OLFM3: variants seen among roughly 807,000 people sequenced by gnomAD.
OLFM3 encodes noelin-3.
OLFM3 carries 20 observed loss-of-function variants against 48.6 expected under a neutral mutation model. That is an observed-to-expected ratio of 0.41 (90% confidence interval 0.29 to 0.60). The LOEUF is 0.60. Among genes scored for constraint, OLFM3 ranks in the 20% least tolerant of loss-of-function variants. OLFM3 has a pLI of 0.28. For synonymous variants in OLFM3, 222 were observed against 198.1 expected (o/e 1.12, Z -1.01); for missense variants, 437 against 544.3 (o/e 0.80, Z 1.96).
At position 101,891,816 on chromosome 1, in the gene OLFM3, T is replaced by C. The variant is rs17125664; in HGVS notation, c.70-54791A>G. ...ATTTCAGGTTTAACATGGACATTATTTACCATGAAAATCATAAAATGTAGT... is the reference window on the plus strand; with the variant it reads ...ATTTCAGGTTTAACATGGACATTATCTACCATGAAAATCATAAAATGTAGT... On this transcript the variant is annotated intron_variant, in intron 1 of 5. Coordinates refer to ENST00000370103, the MANE Select transcript of OLFM3 (RefSeq NM_058170.4). Among the ~76,000 whole-genome samples the C allele has an allele frequency of 3.2e-3, 488 of 152,096 alleles. 4 individuals carry two copies. Among genetic ancestry groups the C allele is most frequent in the African/African-American group, 0.011 (465 of 41,540 alleles).
chr1:101,929,878 A>G (rs1659394500), intron 1 of OLFM3, among the ~76,000 whole-genome samples: 1 of 152,104 alleles, frequency 6.6e-6, no homozygotes, highest in African/African-American at 2.4e-5. Context: ...ACATGTAGAA[A>G]AGACTTGTAG....
chr1:101,828,528 G>C (rs1397643945), intron 3 of OLFM3, among the ~76,000 whole-genome samples: 1 of 152,092 alleles, frequency 6.6e-6, no homozygotes, highest in Non-Finnish European at 1.5e-5. Flanking sequence ...TAGTAGCCTG[G>C]CTGATTTGCT....
chr1:101,853,847 A>AT (rs1444595709), intron 1 of OLFM3, among the ~76,000 whole-genome samples: 3 of 151,932 alleles, frequency 2.0e-5, no homozygotes, highest in Non-Finnish European at 4.4e-5. Flanking sequence ...AGTTACATGT[A>AT]TTTTTTCCTT....
intron 4 of OLFM3, among the ~76,000 whole-genome samples, chr1:101,813,706 T>G (rs751066786): frequency 3.3e-5 from 5 of 152,198 alleles, no homozygotes; most frequent in Admixed American, 6.5e-5. Flanking sequence ...ATCCATTAGC[T>G]ATCTTCTCTC....
At chr1:101,813,544 G>A (rs1020940284) in intron 4 of OLFM3, among the ~76,000 whole-genome samples, 9 of 152,154 alleles carry the variant, frequency 5.9e-5, no homozygotes, top group African/African-American at 1.9e-4. Context: ...TGTTCTGTCT[G>A]TACGATGGAA....
At chr1:101,905,014 C>T (rs551270910) in intron 1 of OLFM3, among the ~76,000 whole-genome samples, 83 of 152,188 alleles carry the variant, frequency 5.5e-4, no homozygotes, top group South Asian at 2.1e-4. Flanking sequence ...TAAGATAAAA[C>T]GAACCTTTCC....
chr1:101,988,801 T>C (rs1449885896), intron 1 of OLFM3, among the ~76,000 whole-genome samples: 1 of 152,022 alleles, frequency 6.6e-6, no homozygotes, highest in Non-Finnish European at 1.5e-5. Flanking sequence ...AATGAATACA[T>C]TACAATTTAG....
intron 3 of OLFM3, among the ~76,000 whole-genome samples, chr1:101,828,328 G>T (rs939805771): frequency 2.6e-5 from 4 of 152,098 alleles, no homozygotes; most frequent in African/African-American, 9.7e-5. Flanking sequence ...GCATTATACA[G>T]TTAATATACT....
intron 4 of OLFM3, among the ~76,000 whole-genome samples, chr1:101,821,837 T>G (rs1654620430): frequency 6.6e-6 from 1 of 152,138 alleles, no homozygotes. Context: ...TTATTGCTAT[T>G]TGATATTTGT....
At chr1:101,969,788 A>G (rs1229900640) in intron 1 of OLFM3, among the ~76,000 whole-genome samples, 1 of 151,742 alleles carries the variant, frequency 6.6e-6, no homozygotes, top group Non-Finnish European at 1.5e-5. Context: ...ATGTCAGGAG[A>G]AGGATGTCAA....
chr1:101,916,151 A>C (rs1221130958), intron 1 of OLFM3, among the ~76,000 whole-genome samples: 1 of 152,122 alleles, frequency 6.6e-6, no homozygotes, highest in Non-Finnish European at 1.5e-5. Flanking sequence ...TTCATCTCCT[A>C]ATAATAGTTA....
chr1:101,866,959 A>C (rs1656884463), intron 1 of OLFM3, among the ~76,000 whole-genome samples: 1 of 152,150 alleles, frequency 6.6e-6, no homozygotes, highest in Non-Finnish European at 1.5e-5. Flanking sequence ...AACCCCAAAC[A>C]CTTGGCTCAT....
At chr1:101,840,147 T>A (rs1249793214) in intron 1 of OLFM3, among the ~76,000 whole-genome samples, 2 of 152,086 alleles carry the variant, frequency 1.3e-5, no homozygotes, top group South Asian at 2.1e-4. Flanking sequence ...TATTTAGAAG[T>A]TTTTTGGAAA....
At chr1:101,994,317 T>A (rs1207116777) in intron 1 of OLFM3, among the ~76,000 whole-genome samples, 1 of 151,022 alleles carries the variant, frequency 6.6e-6, no homozygotes. Flanking sequence ...AAAAGGCAGT[T>A]GGTTAGCATT....
intron 4 of OLFM3, among the ~76,000 whole-genome samples, chr1:101,808,481 A>G (rs1229622983): frequency 3.3e-5 from 5 of 151,900 alleles, no homozygotes; most frequent in African/African-American, 1.2e-4. Context: ...AGTAGAAAGA[A>G]TGCTAGGAGT....
chr1:101,955,464 A>G (rs1462896141), intron 1 of OLFM3, among the ~76,000 whole-genome samples: 1 of 151,860 alleles, frequency 6.6e-6, no homozygotes, highest in Non-Finnish European at 1.5e-5. Context: ...CCTCATAAAC[A>G]CCATATTCGA....
chr1:101,898,670 G>A (rs1046428612), intron 1 of OLFM3, among the ~76,000 whole-genome samples: 5 of 152,058 alleles, frequency 3.3e-5, no homozygotes, highest in Admixed American at 6.5e-5. Context: ...CCAACATGGT[G>A]AAACCCTGTC....
rs576062586 is a variant in OLFM3 at position 101,878,947 on chromosome 1, A to T, written c.70-41922T>A. ...AGAGAAATCATATGAGCTGCAAAAT[A>T]TATGTAACTGAACCACATTTGGTAA... is the stretch of plus-strand genomic sequence containing the variant. On this transcript the variant is annotated intron_variant, in intron 1 of 5. Coordinates refer to ENST00000370103, the MANE Select transcript of OLFM3 (RefSeq NM_058170.4). 5.3e-5 allele frequency among the ~76,000 whole-genome samples: 8 copies of T among 152,034 alleles called. No homozygotes were observed. The East Asian group carries it at 1.4e-3, about 26-fold the overall frequency.
intron 4 of OLFM3, among the ~76,000 whole-genome samples, chr1:101,811,947 C>T (rs1290441632): frequency 1.3e-5 from 2 of 152,148 alleles, no homozygotes; most frequent in Non-Finnish European, 2.9e-5. Context: ...AAATGTCCAA[C>T]AATGATAGAC....
Sources: allele counts gnomAD v4.1 joint callset (sites outside exome capture counted in the v4.1 genomes callset), GRCh38; gene constraint gnomAD v4.1.1; transcripts MANE v1.5; gene names NCBI Gene and HGNC (gene_info 2026-07-23, HGNC 2026-07-21).